The following LINS1 variants were observed in gnomAD, a reference collection of about 807,000 sequenced individuals.
The protein encoded by LINS1 is protein Lines homolog 1.
In LINS1, 27 loss-of-function variants were observed where a neutral mutation model predicts 41.6. The ratio of observed to expected loss-of-function variants is 0.65; its 90% CI spans 0.48 to 0.89. The LOEUF (loss-of-function observed/expected upper bound fraction) is 0.89, where lower values mean the gene tolerates loss of function less well. Ranked by LOEUF, LINS1 falls within the 40% of genes least tolerant of loss-of-function variation. The pLI, the probability that LINS1 is intolerant of heterozygous loss-of-function variation, is 0.00. For missense variants in LINS1, 955 were observed against 884.1 expected, an observed-to-expected ratio of 1.08 and a Z score of -1.02; for synonymous variants, 336 against 312.9, an observed-to-expected ratio of 1.07 and a Z score of -0.78.
intron 1 of LINS1, among the ~76,000 whole-genome samples, chr15:100,597,754 C>G (rs2039308601): frequency 6.6e-6 from 1 of 152,232 alleles, no homozygotes; most frequent in African/African-American, 2.4e-5. Flanking sequence ...ACAAACCCGC[C>G]ACCAGTGGCA....
rs1388863032 is a variant in LINS1 at position 100,569,345 on chromosome 15, T to C, written c.2167A>G (p.Ile723Val). ...AGATTTTTCTTTTGCAAACGGCAGA[T>C]GGCATCTTGTAGTTCCTGGAAGCAT... The part of the protein sequence containing the change: ...VKCFQELQDA[I>V]CRLQKKNLFP... The change falls in exon 7 of 7, where the codon ATC becomes GTC. Residue 723 changes from isoleucine (I) to valine (V), a missense_variant. Ile to Val is a conservative substitution (Grantham distance 29). Coordinates refer to ENST00000314742, the MANE Select transcript of LINS1 (RefSeq NM_001040616.3). 6.2e-7 allele frequency: 1 copy of C among 1,614,168 alleles called. No individual in the cohort carries two copies. Among genetic ancestry groups the C allele is most frequent in the South Asian group, 1.1e-5 (1 of 91,078 alleles).
At chr15:100,576,596 CAAGG>C (rs2038197712) in intron 3 of LINS1, 1 of 152,342 alleles carries the variant, frequency 6.6e-6, no homozygotes, top group Admixed American at 6.5e-5. Context: ...ACCAGACGTA[CAAGG>C]AAGAGCTGGT....
chr15:100,567,498 G>A lies in LINS1; in HGVS notation c.*1740C>T, dbSNP rs972113224. The A allele has an allele frequency of 7.9e-5, 12 of 152,020 alleles. No individual in the cohort carries two copies. Among genetic ancestry groups the A allele is most frequent in the South Asian group, 6.2e-4 (3 of 4,806 alleles). The allele number at this position is 152,020 out of a possible 1,614,324, so 9.4% of individuals were successfully genotyped here. The stretch of plus-strand genomic sequence containing the variant: ...ATATATATGAATGTGTATTACTCCC[G>A]CCCTGCTTCTTTCCCTAAATAATTG... On this transcript the variant is annotated 3_prime_UTR_variant, in exon 7 of 7. Coordinates refer to ENST00000314742, the MANE Select transcript of LINS1 (RefSeq NM_001040616.3).
At chr15:100,578,542 T>C (rs1041975490) in intron 3 of LINS1, among the ~76,000 whole-genome samples, 1 of 152,030 alleles carries the variant, frequency 6.6e-6, no homozygotes, top group Non-Finnish European at 1.5e-5. Flanking sequence ...CTGGAGAGGA[T>C]GGGGAAAAAT....
At chr15:100,579,015 G>A (rs2038363371) in intron 3 of LINS1, among the ~76,000 whole-genome samples, 1 of 152,044 alleles carries the variant, frequency 6.6e-6, no homozygotes, top group South Asian at 2.1e-4. Flanking sequence ...TCACACACCA[G>A]GGCCTGTTGT....
At chr15:100,584,411 C>T (rs1390968223) in intron 1 of LINS1, among the ~76,000 whole-genome samples, 1 of 152,086 alleles carries the variant, frequency 6.6e-6, no homozygotes, top group African/African-American at 2.4e-5. Flanking sequence ...AGCACACCAA[C>T]CAAAGTGAAT....
chr15:100,577,850 A>G (rs1279701881), intron 3 of LINS1, among the ~76,000 whole-genome samples: 5 of 152,310 alleles, frequency 3.3e-5, no homozygotes, highest in Admixed American at 6.5e-5. Flanking sequence ...AACAGAACAG[A>G]GCCCTCAGAA....
chr15:100,572,725 T>C, intron 5 of LINS1: 2 of 985,028 alleles, frequency 2.0e-6, no homozygotes, highest in Non-Finnish European at 2.4e-6. Flanking sequence ...GCTGCCTGTT[T>C]AGAGACATTT....
chr15:100,592,329 C>T (rs2039074671), intron 1 of LINS1, among the ~76,000 whole-genome samples: 1 of 152,198 alleles, frequency 6.6e-6, no homozygotes, highest in Non-Finnish European at 1.5e-5. Context: ...AACCTGGACA[C>T]CCATCAACTG....
intron 3 of LINS1, among the ~76,000 whole-genome samples, chr15:100,578,647 C>A (rs970924752): frequency 6.6e-6 from 1 of 152,164 alleles, no homozygotes; most frequent in African/African-American, 2.4e-5. Context: ...GCTAGAAATA[C>A]CATTTGACCC....
At chr15:100,592,047 G>A (rs1214160070) in intron 1 of LINS1, among the ~76,000 whole-genome samples, 1 of 152,154 alleles carries the variant, frequency 6.6e-6, no homozygotes, top group Admixed American at 6.5e-5. Flanking sequence ...TACATAGGGT[G>A]TACACTAAGT....
intron 1 of LINS1, among the ~76,000 whole-genome samples, chr15:100,587,563 G>A (rs560511318): frequency 2.7e-4 from 41 of 152,158 alleles, no homozygotes; most frequent in African/African-American, 6.3e-4. Flanking sequence ...GGCTTTGCTC[G>A]TGTATGCATA....
chr15:100,600,021 G>A (rs771111949), intron 1 of LINS1, among the ~76,000 whole-genome samples: 21 of 152,192 alleles, frequency 1.4e-4, no homozygotes, highest in Admixed American at 2.6e-4. Context: ...AGCCAAGCTC[G>A]CACCACTGTA....
intron 5 of LINS1, 36 bp downstream of exon 5, chr15:100,573,615 T>C: frequency 8.0e-7 from 1 of 1,244,456 alleles, no homozygotes; most frequent in Non-Finnish European, 1.2e-6. Flanking sequence ...AAGTAAATAA[T>C]TACACACTGC....
chr15:100,574,984 T>C lies in LINS1; in HGVS notation c.631+3A>G, dbSNP rs1225072962. The C allele has an allele frequency of 4.3e-6, 7 of 1,612,186 alleles. No homozygotes were observed. The highest frequency in any genetic ancestry group is 3.3e-5 in the South Asian group (3 of 91,048). On this transcript the variant is annotated splice_donor_region_variant and intron_variant, in intron 4 of 6. Coordinates refer to ENST00000314742, the MANE Select transcript of LINS1 (RefSeq NM_001040616.3). Reference sequence around the variant, plus strand: ...ATTGTTTATGGGGCCATGTAATCCATACCTGTTTTCTGTGAACATGAATCT... The same window carrying C: ...ATTGTTTATGGGGCCATGTAATCCACACCTGTTTTCTGTGAACATGAATCT...
intron 1 of LINS1, among the ~76,000 whole-genome samples, chr15:100,581,612 G>C (rs8029594): frequency 0.39 from 59,203 of 152,126 alleles, 12,164 homozygotes; most frequent in Non-Finnish European, 0.47. Context: ...GAAAAACTTA[G>C]GACTTTGGCA....
At position 100,567,086 on chromosome 15, in the gene LINS1, G is replaced by A. The variant is rs1241750475; in HGVS notation, c.*2152C>T. The A allele has an allele frequency of 6.6e-6, 1 of 152,136 alleles. No homozygotes were observed. Among genetic ancestry groups the A allele is most frequent in the Non-Finnish European group, 1.5e-5 (1 of 68,050 alleles). The allele number at this position is 152,136 out of a possible 1,614,324, so 9.4% of individuals were successfully genotyped here. On this transcript the variant is annotated 3_prime_UTR_variant, in exon 7 of 7. Transcript: ENST00000314742. ...GTTGTCATGTCATGTATGTCACAGA[G>A]TATACTCAACAAACCTAGATGGCAT...
chr15:100,576,686 C>A (rs2038203856), intron 3 of LINS1: 1 of 152,260 alleles, frequency 6.6e-6, no homozygotes, highest in African/African-American at 2.4e-5. Context: ...AGGACAGCAT[C>A]ATCCTGATAC....
At chr15:100,594,425 G>A (rs1053657585) in intron 1 of LINS1, among the ~76,000 whole-genome samples, 12 of 152,100 alleles carry the variant, frequency 7.9e-5, no homozygotes, top group African/African-American at 2.4e-4. Flanking sequence ...CAGTGCTGCT[G>A]TCAGTGACAC....
Sources: allele counts gnomAD v4.1 joint callset (sites outside exome capture counted in the v4.1 genomes callset), GRCh38; gene constraint gnomAD v4.1.1; transcripts MANE v1.5; gene names NCBI Gene and HGNC (gene_info 2026-07-23, HGNC 2026-07-21).